Variants in ZPLD1 observed in about 807,000 individuals in gnomAD.
ZPLD1 encodes the protein zona pellucida like domain containing 1, also known as zona pellucida-like domain-containing protein 1.
A neutral mutation model predicts 47.2 loss-of-function variants in ZPLD1; 34 were observed. The observed-to-expected ratio is 0.72, with a 90% confidence interval of 0.55 to 0.96. ZPLD1 has a LOEUF of 0.96. ZPLD1 is among the 40% of genes least tolerant of loss of function. ZPLD1 has a pLI of 0.00. For missense variants in ZPLD1, 512 were observed against 505.8 expected (o/e 1.01, Z -0.12); for synonymous variants, 176 against 186.2 (o/e 0.95, Z 0.45).
Position 102,453,050 on chromosome 3 carries a change from A to G in ZPLD1, c.238A>G (p.Arg80Gly), listed in dbSNP as rs779379099. The G allele has an allele frequency of 1.9e-6, 3 of 1,614,134 alleles. No individual in the cohort carries two copies. The highest frequency in any genetic ancestry group is 2.5e-6 in the Non-Finnish European group (3 of 1,179,996). Reference sequence around the variant, plus strand: ...TGGAAGGCATGGGGACTCCCACTGCAGAGGGTTCATCAATAACAACACCTT... The same window carrying G: ...TGGAAGGCATGGGGACTCCCACTGCGGAGGGTTCATCAATAACAACACCTT... ...LNGRHGDSHC[R>G]GFINNNTFPA... The change falls in exon 4 of 12, where the codon AGA (arginine) becomes GGA (glycine). Residue 80 changes from arginine to glycine, a missense_variant. By Grantham distance (125) the Arg-to-Gly change is moderately radical. Transcript: ENST00000466937.
At chr3:102,425,211 A>G (rs1206527267) in intron 8 of ZPLD1, among the ~76,000 whole-genome samples, 2 of 152,150 alleles carry the variant, frequency 1.3e-5, no homozygotes, top group Non-Finnish European at 2.9e-5. Flanking sequence ...ATTGTCATTC[A>G]ATTGGCAACT....
At position 102,406,348 on chromosome 3, in the gene ZPLD1, C is replaced by T. The variant is rs112302065; in HGVS notation, c.-156-11712C>T. On this transcript the variant is annotated intron_variant, in intron 7 of 17. Coordinates refer to the ZPLD1 transcript ENST00000491959. ...GACACACAACTACACAAGTTACCCT[C>T]ATCTCAACCTGTAATTGCAATATGT... Among the ~76,000 whole-genome samples, 1,454 of 152,056 alleles carry T rather than the reference C, an allele frequency of 9.6e-3. 23 individuals are homozygous for T. The highest frequency in any genetic ancestry group is 0.033 in the African/African-American group (1,381 of 41,538).
chr3:102,461,112 T>A, intron 6 of ZPLD1, among the ~76,000 whole-genome samples: 1 of 152,010 alleles, frequency 6.6e-6, no homozygotes, highest in East Asian at 1.9e-4. Context: ...ACTATTACTG[T>A]CTTAAATTAT....
chr3:102,476,983 A>C, intron 10 of ZPLD1, 29 bp from the exon 11 acceptor site: 1 of 1,609,062 alleles, frequency 6.2e-7, no homozygotes, highest in Non-Finnish European at 8.5e-7. Flanking sequence ...AGATGATGTC[A>C]CTTCTCTTTT....
intron 3 of ZPLD1, among the ~76,000 whole-genome samples, chr3:102,450,520 A>G (rs1707321980): frequency 6.6e-6 from 1 of 152,154 alleles, no homozygotes; most frequent in Admixed American, 6.6e-5. Context: ...AGAGAGAGAG[A>G]GAGGGAGGAG....
chr3:102,474,619 G>A (rs1707731759), intron 10 of ZPLD1, among the ~76,000 whole-genome samples: 2 of 152,070 alleles, frequency 1.3e-5, no homozygotes, highest in Middle Eastern at 3.4e-3. Context: ...AACTTTTCTA[G>A]TACTAAGAGA....
chr3:102,393,607 G>A (rs559375801), intron 7 of ZPLD1, among the ~76,000 whole-genome samples: 2 of 151,540 alleles, frequency 1.3e-5, no homozygotes, highest in South Asian at 2.1e-4. Flanking sequence ...GATGTATGCT[G>A]AGATTGATTC....
chr3:102,438,677 G>A (rs547872610), intron 3 of ZPLD1, 84 bp downstream of exon 3: 589 of 978,936 alleles, frequency 6.0e-4, no homozygotes, highest in Non-Finnish European at 8.7e-4. Context: ...TATATATGGA[G>A]AACGGGGGGC....
In ZPLD1 at chr3:102,438,542, G is replaced by C. The variant is rs770543242; in HGVS notation, c.55G>C (p.Ala19Pro). ...AACAATTAGAGTGCTTCCGGGGTCTGCTCAGTTCAACGGCTACAACTGTGA... is the reference window on the plus strand; with the variant it reads ...AACAATTAGAGTGCTTCCGGGGTCTCCTCAGTTCAACGGCTACAACTGTGA... ...LLTIRVLPGS[A>P]QFNGYNCDAN... Residue 19 changes from alanine to proline, a missense_variant, in exon 3 of 12, where the codon GCT (alanine) becomes CCT (proline). Ala to Pro is a conservative substitution (Grantham distance 27, BLOSUM62 -1). Transcript: ENST00000466937. 1.2e-6 allele frequency: 2 copies of C among 1,613,958 alleles called. No homozygotes were observed. Among genetic ancestry groups the C allele is most frequent in the Non-Finnish European group, 1.7e-6 (2 of 1,179,842 alleles).
intron 5 of ZPLD1, among the ~76,000 whole-genome samples, chr3:102,457,080 G>A (rs1228685415): frequency 2.0e-5 from 3 of 152,154 alleles, no homozygotes; most frequent in African/African-American, 4.8e-5. Flanking sequence ...TTAAGCGAAC[G>A]CTTTCTCCAA....
intron 3 of ZPLD1, among the ~76,000 whole-genome samples, chr3:102,448,029 T>C (rs1025002131): frequency 1.3e-5 from 2 of 152,182 alleles, no homozygotes; most frequent in African/African-American, 2.4e-5. Context: ...ATTTAAAATT[T>C]GCAAAATTTT....
At chr3:102,464,030 AC>A in intron 7 of ZPLD1, 140 bp from the exon 8 acceptor site, 1 of 612,874 alleles carries the variant, frequency 1.6e-6, no homozygotes, top group Non-Finnish European at 2.8e-6. Flanking sequence ...AGTCTGGGCA[AC>A]GGAACAAGAC....
chr3:102,415,857 A>T (rs1706799318), intron 7 of ZPLD1, among the ~76,000 whole-genome samples: 1 of 151,910 alleles, frequency 6.6e-6, no homozygotes, highest in South Asian at 2.1e-4. Context: ...AATAGTTACC[A>T]GTCAGACTGC....
chr3:102,476,297 T>G (rs1011931707), intron 10 of ZPLD1, among the ~76,000 whole-genome samples: 2 of 152,160 alleles, frequency 1.3e-5, no homozygotes, highest in East Asian at 3.9e-4. Flanking sequence ...TATGAGCTCG[T>G]ACAAGCTCCA....
At chr3:102,460,879 G>GT (rs1707496125) in intron 6 of ZPLD1, among the ~76,000 whole-genome samples, 1 of 151,934 alleles carries the variant, frequency 6.6e-6, no homozygotes, top group Non-Finnish European at 1.5e-5. Flanking sequence ...TATAGTTAAT[G>GT]AAGTGTAGAT....
intron 7 of ZPLD1, among the ~76,000 whole-genome samples, chr3:102,392,906 A>T (rs1706513467): frequency 6.6e-6 from 1 of 152,180 alleles, no homozygotes; most frequent in Non-Finnish European, 1.5e-5. Flanking sequence ...AAGAAAATAT[A>T]TTTTGGATGT....
chr3:102,424,562 C>G (rs1421467984), intron 8 of ZPLD1, among the ~76,000 whole-genome samples: 1 of 152,172 alleles, frequency 6.6e-6, no homozygotes, highest in African/African-American at 2.4e-5. Flanking sequence ...TTTGCTACTT[C>G]TGCGAACCCA....
chr3:102,439,730 A>G (rs1410668816), intron 3 of ZPLD1, among the ~76,000 whole-genome samples: 2 of 152,192 alleles, frequency 1.3e-5, no homozygotes, highest in African/African-American at 4.8e-5. Flanking sequence ...TTTAAAATAA[A>G]TGCATTATTC....
chr3:102,460,459 T>C (rs542997802), intron 6 of ZPLD1, among the ~76,000 whole-genome samples: 1 of 152,150 alleles, frequency 6.6e-6, no homozygotes. Flanking sequence ...GTGGCTTTAT[T>C]TTGTGCAATA....
Sources: gnomAD v4.1 joint callset for allele counts (sites outside exome capture counted in the v4.1 genomes callset) on GRCh38, gnomAD v4.1.1 for gene constraint, MANE v1.5 for transcripts, NCBI Gene and HGNC (gene_info 2026-07-23, HGNC 2026-07-21) for gene names.